Variants in PTPN11 observed in about 807,000 individuals in gnomAD.
PTPN11 encodes tyrosine-protein phosphatase non-receptor type 11.
A neutral mutation model predicts 78.8 loss-of-function variants in PTPN11; 6 were observed. The ratio of observed to expected loss-of-function variants is 0.08; its 90% confidence interval spans 0.04 to 0.15. The LOEUF is 0.15. Ranked by LOEUF, PTPN11 falls within the 10% of genes least tolerant of loss-of-function variation. The pLI, the probability that PTPN11 is intolerant of heterozygous loss-of-function variation, is 1.00. For synonymous variants in PTPN11, 221 were observed against 263.5 expected, an observed-to-expected ratio of 0.84 and a Z score of 1.56; for missense variants, 386 against 744.8, an observed-to-expected ratio of 0.52 and a Z score of 5.61.
At chr12:112,479,345 A>G (rs116999150) in intron 9 of PTPN11, among the ~76,000 whole-genome samples, 4,685 of 152,208 alleles carry the variant, frequency 0.031, 122 homozygotes, top group South Asian at 0.057. Flanking sequence ...TTTATATAAG[A>G]TTTTATGTGG....
chr12:112,420,741 A>G (rs2037511291), intron 1 of PTPN11, among the ~76,000 whole-genome samples: 1 of 152,212 alleles, frequency 6.6e-6, no homozygotes, highest in Non-Finnish European at 1.5e-5. Context: ...GAAAAAGAAA[A>G]CTGAGAACTC....
chr12:112,419,022 G>T lies in PTPN11; in HGVS notation c.-90G>T. Reference sequence around the variant, plus strand: ...CTCTGCCCCGCGTCCGGTCCCGAGCGGGCCTCCCTCGGGCCAGCCCGATGT... The same window carrying T: ...CTCTGCCCCGCGTCCGGTCCCGAGCTGGCCTCCCTCGGGCCAGCCCGATGT... On this transcript the variant is annotated 5_prime_UTR_variant, in exon 1 of 16. Transcript: ENST00000351677. 1.3e-6 allele frequency: 2 copies of T among 1,503,474 alleles called. No homozygotes were observed. The highest frequency in any genetic ancestry group is 1.8e-6 in the Non-Finnish European group (2 of 1,119,790). 93.1% of individuals were successfully genotyped at this position (1,503,474 alleles called of 1,614,324 possible). A position where few individuals can be genotyped will look rare whatever the true frequency, so the allele number is the denominator to read the frequency against.
At chr12:112,488,925 A>G in intron 12 of PTPN11, 99 bp from the exon 13 acceptor site, 1 of 1,499,452 alleles carries the variant, frequency 6.7e-7, no homozygotes, top group Non-Finnish European at 9.3e-7. Context: ...AGCAAAGACT[A>G]AATTAGCATT....
intron 4 of PTPN11, among the ~76,000 whole-genome samples, chr12:112,454,086 A>G (rs1263858218): frequency 1.3e-5 from 2 of 152,032 alleles, no homozygotes; most frequent in African/African-American, 4.8e-5. Context: ...TATATTGAGT[A>G]TATTTACACT....
chr12:112,471,245 G>C (rs1016494725), intron 6 of PTPN11, among the ~76,000 whole-genome samples: 1 of 152,128 alleles, frequency 6.6e-6, no homozygotes, highest in Admixed American at 6.6e-5. Context: ...AGGACTCTTT[G>C]AGGGTAGCCA....
In PTPN11 at chr12:112,504,295, A is replaced by G. The variant is rs1777414059; in HGVS notation, c.1713-400A>G. 6.6e-6 allele frequency among the ~76,000 whole-genome samples: 1 copy of G among 152,158 alleles called. No individual in the cohort carries two copies. Among genetic ancestry groups the G allele is most frequent in the African/African-American group, 2.4e-5 (1 of 41,430 alleles). Reference sequence around the variant, plus strand: ...ACTGCAACCTCCATCTCCCGAGTTCAAGAGATTCTTCTGCCTCAGCCTCTC... The same window carrying G: ...ACTGCAACCTCCATCTCCCGAGTTCGAGAGATTCTTCTGCCTCAGCCTCTC... On this transcript the variant is annotated intron_variant, in intron 14 of 15. Transcript: ENST00000351677. The surrounding 1 kb of genome is among the most constrained non-coding windows in gnomAD (Gnocchi z 4.7).
intron 6 of PTPN11, among the ~76,000 whole-genome samples, chr12:112,464,743 A>G (rs1427611407): frequency 6.7e-6 from 1 of 148,582 alleles, no homozygotes; most frequent in African/African-American, 2.5e-5. Flanking sequence ...ATTTTTTTAA[A>G]GAGATGGGGT....
chr12:112,471,454 A>AAGAGAGAGAGAGAGAGAGAGAGAG, intron 6 of PTPN11, among the ~76,000 whole-genome samples: 1 of 126,354 alleles, frequency 7.9e-6, no homozygotes, highest in Non-Finnish European at 1.7e-5. Context: ...GATAAACAGA[A>AAGAGAGAGAGAGAGAGAGAGAGAG]AGAGAGAGAG....
In PTPN11 at chr12:112,486,425, A is replaced by G. The variant is rs532923300; in HGVS notation, c.1225-50A>G. 4.6e-5 allele frequency: 71 copies of G among 1,548,210 alleles called. 4 individuals are homozygous for G. The South Asian group carries it at 7.3e-4, about 16-fold the overall frequency. ...AAGCTTAGAACCGGGTGATTCCTCA[A>G]CCTCTTGATTTATTTAATTCTTTTC... On this transcript the variant is annotated intron_variant, in intron 10 of 15. Coordinates refer to ENST00000351677, the MANE Select transcript of PTPN11 (RefSeq NM_002834.5).
At chr12:112,480,689 C>T (rs2038583088) in intron 9 of PTPN11, among the ~76,000 whole-genome samples, 1 of 152,114 alleles carries the variant, frequency 6.6e-6, no homozygotes, top group African/African-American at 2.4e-5. Context: ...GAACGTTCCT[C>T]CTACCATGTT....
At chr12:112,424,782 C>A (rs1045856779) in intron 1 of PTPN11, among the ~76,000 whole-genome samples, 1 of 151,966 alleles carries the variant, frequency 6.6e-6, no homozygotes, top group African/African-American at 2.4e-5. Context: ...CTCACTGCAA[C>A]CTCTGCCTCC....
At chr12:112,439,771 G>T (rs541487486) in intron 1 of PTPN11, among the ~76,000 whole-genome samples, 63 of 147,372 alleles carry the variant, frequency 4.3e-4, no homozygotes, top group African/African-American at 1.5e-3. Flanking sequence ...TGCATGGCTG[G>T]ATTGTCCTTT....
intron 6 of PTPN11, among the ~76,000 whole-genome samples, chr12:112,470,926 C>G (rs2038405530): frequency 6.6e-6 from 1 of 152,192 alleles, no homozygotes; most frequent in South Asian, 2.1e-4. Context: ...AAGACTGGCT[C>G]ACAGTCCAAG....
At chr12:112,471,423 A>G (rs1424217054) in intron 6 of PTPN11, among the ~76,000 whole-genome samples, 1 of 145,462 alleles carries the variant, frequency 6.9e-6, no homozygotes, top group Non-Finnish European at 1.5e-5. Flanking sequence ...CACAGGCTGG[A>G]GTGCCGTGGC....
In PTPN11 at chr12:112,458,244, C is replaced by G. The variant is rs1322193638; in HGVS notation, c.756+2181C>G. 2.0e-5 allele frequency among the ~76,000 whole-genome samples: 3 copies of G among 152,336 alleles called. No individual in the cohort carries two copies. In the East Asian group the frequency reaches 5.8e-4, roughly 29 times the overall value. ...TTTTTCCTCCTGAGACAGAGTCTCA[C>G]TTTGCTGCCATACTGGAGTACAGTG... On this transcript the variant is annotated intron_variant, in intron 6 of 15. Transcript: ENST00000351677.
chr12:112,440,971 T>C (rs1191925922), intron 1 of PTPN11, among the ~76,000 whole-genome samples: 6 of 151,280 alleles, frequency 4.0e-5, no homozygotes, highest in East Asian at 1.9e-4. Flanking sequence ...TTTTCTTTTT[T>C]TTTTTTTTTT....
chr12:112,505,018 G>T (rs983242713), intron 15 of PTPN11, among the ~76,000 whole-genome samples: 4 of 152,188 alleles, frequency 2.6e-5, no homozygotes, highest in African/African-American at 9.7e-5. Flanking sequence ...ATGAGGCAAG[G>T]CTAGCACTTA....
Position 112,424,936 on chromosome 12 carries a change from ACAC to A in PTPN11, c.14+5817_14+5819del, listed in dbSNP as rs1202596889. Among the ~76,000 whole-genome samples the A allele has an allele frequency of 2.2e-5, 3 of 138,608 alleles. No individual in the cohort carries two copies. The East Asian group carries it at 1.1e-3, about 53-fold the overall frequency. 90.9% of individuals were successfully genotyped at this position (138,608 alleles called of 152,430 possible). A position where few individuals can be genotyped will look rare whatever the true frequency, so the allele number is the denominator to read the frequency against. On this transcript the variant is annotated intron_variant, in intron 1 of 15. Coordinates refer to ENST00000351677, the MANE Select transcript of PTPN11 (RefSeq NM_002834.5). Reference sequence around the variant, plus strand: ...GTGTGTGTGCTGGGACTGCAGGCACACACCACCATGTCAGGCTAATTGTGTGTG... The same window carrying A: ...GTGTGTGTGCTGGGACTGCAGGCACACACCATGTCAGGCTAATTGTGTGTG...
At chr12:112,425,351 A>G (rs1247535046) in intron 1 of PTPN11, among the ~76,000 whole-genome samples, 1 of 151,954 alleles carries the variant, frequency 6.6e-6, no homozygotes, top group African/African-American at 2.4e-5. Flanking sequence ...GTCCCTATTG[A>G]TGCCTTTTTT....
Sources: allele counts gnomAD v4.1 joint callset (sites outside exome capture counted in the v4.1 genomes callset), GRCh38; gene constraint gnomAD v4.1.1; non-coding constraint Gnocchi (gnomAD v3.1); transcripts MANE v1.5; gene names NCBI Gene and HGNC (gene_info 2026-07-23, HGNC 2026-07-21).